Variants in FAM149A observed in about 807,000 individuals in gnomAD.
FAM149A encodes protein FAM149A.
Under a neutral mutation model 78.2 loss-of-function variants are expected in FAM149A, and 71 were observed. That is an observed-to-expected ratio of 0.91 (90% confidence interval 0.75 to 1.11). The LOEUF (loss-of-function observed/expected upper bound fraction) is 1.11. FAM149A is among the 50% of genes least tolerant of loss of function. FAM149A has a pLI of 0.00. For missense variants in FAM149A, 1,036 were observed against 971.0 expected (o/e 1.07, Z -0.89); for synonymous variants, 446 against 410.5 (o/e 1.09, Z -1.04).
chr4:186,109,708 A>T (rs987581234), intron 1 of FAM149A: 7 of 982,020 alleles, frequency 7.1e-6, no homozygotes, highest in Non-Finnish European at 8.5e-6. Flanking sequence ...TGGCACAGAA[A>T]TGAAAATTGA....
chr4:186,159,927 ACACACCACACACAGACACACAC>A (rs1734387741), intron 8 of FAM149A, among the ~76,000 whole-genome samples: 1 of 149,642 alleles, frequency 6.7e-6, no homozygotes. Context: ...ACACACACAC[ACACACCACACACAGACACACAC>A]CACACCACTC....
chr4:186,145,859 T>C (rs1393976896), intron 1 of FAM149A, among the ~76,000 whole-genome samples: 2 of 152,198 alleles, frequency 1.3e-5, no homozygotes, highest in Non-Finnish European at 2.9e-5. Flanking sequence ...GTGTACACTT[T>C]CTTAGACTGT....
chr4:186,133,331 C>A (rs947098831), intron 1 of FAM149A: 1 of 347,610 alleles, frequency 2.9e-6, no homozygotes, highest in Non-Finnish European at 4.0e-6. Context: ...CAAACAAACT[C>A]ACTACCTGTT....
At position 186,139,275 on chromosome 4, in the gene FAM149A, C is replaced by T. The variant is rs571637982; in HGVS notation, c.567-9898C>T. ...GCCCTGCCTCAGCCCCCAAATCGGC[C>T]ACTCCTCCATGGAGCCCTGGTCCCT... On this transcript the variant is annotated intron_variant, in intron 1 of 13. Transcript: ENST00000389354. Among the ~76,000 whole-genome samples, 17 of 152,216 alleles carry T rather than the reference C, an allele frequency of 1.1e-4. No individual in the cohort carries two copies. In the South Asian group the frequency reaches 1.5e-3, roughly 13 times the overall value.
Position 186,127,604 on chromosome 4 carries a change from C to G in FAM149A, c.567-21569C>G, listed in dbSNP as rs1312886043. The G allele has an allele frequency of 5.1e-6, 5 of 985,328 alleles. No individual in the cohort carries two copies. In the East Asian group the frequency reaches 4.5e-4, roughly 89 times the overall value. 61.0% of individuals were successfully genotyped at this position (985,328 alleles called of 1,614,324 possible). ...TTTCATGAGTGTTTGTTAATGTGAT[C>G]ACTGCAGTTATATTCCTTACTCTTC... On this transcript the variant is annotated intron_variant, in intron 1 of 13. Coordinates refer to ENST00000389354, the MANE Select transcript of FAM149A (RefSeq NM_001367768.3).
chr4:186,113,670 G>T lies in FAM149A; in HGVS notation c.566+8028G>T, dbSNP rs866254874. 2.7e-5 allele frequency among the ~76,000 whole-genome samples: 4 copies of T among 149,398 alleles called. No homozygotes were observed. The South Asian group carries it at 8.8e-4, about 33-fold the overall frequency. Reference sequence around the variant, plus strand: ...TTATGTATCCAGTAGTCATTCAGGAGCAGGTTGTTCAGTTTCCATGTAGTT... The same window carrying T: ...TTATGTATCCAGTAGTCATTCAGGATCAGGTTGTTCAGTTTCCATGTAGTT... On this transcript the variant is annotated intron_variant, in intron 1 of 13. Transcript: ENST00000389354.
intron 1 of FAM149A, chr4:186,127,312 A>C (rs2099318746): frequency 1.0e-6 from 1 of 985,018 alleles, no homozygotes; most frequent in African/African-American, 1.7e-5. Context: ...GCTGCTAGGA[A>C]GTATAAGAAG....
At position 186,168,451 on chromosome 4, in the gene FAM149A, G is replaced by T. The variant is rs578075810; in HGVS notation, c.2218+1189G>T. On this transcript the variant is annotated intron_variant, in intron 13 of 13. Transcript: ENST00000389354. Reference sequence around the variant, plus strand: ...GCTCACCGCAACCTCCACCTCCCAGGTTCAAGCGATTCTGCTGCCACAGCC... The same window carrying T: ...GCTCACCGCAACCTCCACCTCCCAGTTTCAAGCGATTCTGCTGCCACAGCC... Among the ~76,000 whole-genome samples the T allele has an allele frequency of 3.2e-3, 487 of 152,296 alleles. 3 individuals are homozygous for T. The highest frequency in any genetic ancestry group is 0.014 in the Middle Eastern group (4 of 294).
At position 186,165,402 on chromosome 4, in the gene FAM149A, C is replaced by T. The variant is rs1734952641; in HGVS notation, c.1948C>T (p.Pro650Ser). 1.2e-6 allele frequency: 2 copies of T among 1,614,026 alleles called. No individual in the cohort carries two copies. The highest frequency in any genetic ancestry group is 1.7e-6 in the Non-Finnish European group (2 of 1,179,884). The change falls in exon 11 of 14, where the codon CCC becomes TCC. Residue 650 changes from proline (P) to serine (S), a missense_variant. Physicochemically the swap from Pro to Ser is moderately conservative, Grantham distance 74. This residue lies in a region of FAM149A where 716 missense variants were observed against 711.8 expected (regional missense o/e 1.01). Transcript: ENST00000389354. ...GGTTCAAACGTCACGGAGCAGGTTC[C>T]CCCCGCTAGTCACGGAGACCAGGGG...
At chr4:186,155,874 G>C in intron 6 of FAM149A, 126 bp from the exon 7 acceptor site, 1 of 644,090 alleles carries the variant, frequency 1.6e-6, no homozygotes, top group Non-Finnish European at 2.3e-6. Flanking sequence ...AAAAAAGAAC[G>C]ATGCTGTTTA....
At chr4:186,133,178 A>AT (rs1174785826) in intron 1 of FAM149A, 7 of 985,270 alleles carry the variant, frequency 7.1e-6, no homozygotes, top group East Asian at 1.1e-4. Context: ...CTGGGAGGTG[A>AT]TTTTTTAAAA....
At chr4:186,152,873 C>CTTT (rs1174227843) in intron 4 of FAM149A, among the ~76,000 whole-genome samples, 1 of 152,104 alleles carries the variant, frequency 6.6e-6, no homozygotes, top group Non-Finnish European at 1.5e-5. Context: ...AGTCACTCAG[C>CTTT]CAACGTACTG....
intron 13 of FAM149A, among the ~76,000 whole-genome samples, chr4:186,171,614 A>AG (rs1448230517): frequency 6.6e-6 from 1 of 152,184 alleles, no homozygotes; most frequent in Admixed American, 6.5e-5. Flanking sequence ...GCTGCCAGGA[A>AG]GTAGTGCTCC....
At chr4:186,106,037 T>C (rs2099308632) in intron 1 of FAM149A, among the ~76,000 whole-genome samples, 1 of 152,170 alleles carries the variant, frequency 6.6e-6, no homozygotes, top group African/African-American at 2.4e-5. Context: ...GCAGCAAGTG[T>C]TTTAAGAAGT....
At chr4:186,159,327 G>T (rs1048222554) in intron 8 of FAM149A, among the ~76,000 whole-genome samples, 1 of 152,160 alleles carries the variant, frequency 6.6e-6, no homozygotes, top group Admixed American at 6.5e-5. Flanking sequence ...AGGGGGATTG[G>T]TCTTTTACAT....
chr4:186,111,144 A>C (rs1360318043), intron 1 of FAM149A, among the ~76,000 whole-genome samples: 3 of 146,062 alleles, frequency 2.1e-5, no homozygotes, highest in Admixed American at 6.8e-5. Context: ...TCTGATGGCC[A>C]GTGATGATGA....
intron 1 of FAM149A, chr4:186,123,912 A>G (rs2099317125): frequency 1.0e-6 from 1 of 983,662 alleles, no homozygotes; most frequent in African/African-American, 1.7e-5. Context: ...TGTACAAAGC[A>G]GTGACAGTAG....
rs1382923422 is a variant in FAM149A at position 186,173,426 on chromosome 4, C to T, written c.*1439C>T. ...GGAGTGCAGTGGCACGATCTCGGCT[C>T]ACTACAACCTCCACCTCCTGGGCTC... On this transcript the variant is annotated 3_prime_UTR_variant, in exon 14 of 14. Transcript: ENST00000389354. Among the ~76,000 whole-genome samples, 1 of 111,356 alleles carries T rather than the reference C, an allele frequency of 9.0e-6. No individual in the cohort carries two copies. Among genetic ancestry groups the T allele is most frequent in the Non-Finnish European group, 2.3e-5 (1 of 44,224 alleles). 73.1% of individuals were successfully genotyped at this position (111,356 alleles called of 152,430 possible).
chr4:186,132,983 G>C (rs947576104), intron 1 of FAM149A: 5 of 985,316 alleles, frequency 5.1e-6, no homozygotes, highest in Non-Finnish European at 6.0e-6. Context: ...AGACATTGAC[G>C]CTGTGCTCTG....
Sources: gnomAD v4.1 joint callset for allele counts (sites outside exome capture counted in the v4.1 genomes callset) on GRCh38, gnomAD v4.1.1 for gene constraint, gnomAD v4.1.1 regional missense constraint, MANE v1.5 for transcripts, NCBI Gene and HGNC (gene_info 2026-07-23, HGNC 2026-07-21) for gene names.